The following NR4A1 variants were observed in gnomAD, a reference collection of about 807,000 sequenced individuals.
The protein encoded by NR4A1 is nuclear receptor subfamily 4 group A member 1.
NR4A1 carries 24 observed loss-of-function variants against 47.5 expected under a neutral mutation model. The observed-to-expected ratio is 0.50, with a 90% CI of 0.37 to 0.71. The LOEUF (loss-of-function observed/expected upper bound fraction) is 0.71, where lower values mean the gene tolerates loss of function less well. NR4A1 is among the 30% of genes least tolerant of loss of function. The probability of loss-of-function intolerance (pLI) is 0.00; values close to 1 mark genes in which losing one functional copy is unlikely to be tolerated. For synonymous variants in NR4A1, 353 were observed against 345.7 expected, an observed-to-expected ratio of 1.02 and a Z score of -0.24; for missense variants, 669 against 788.6, an observed-to-expected ratio of 0.85 and a Z score of 1.82.
intron 2 of NR4A1, among the ~76,000 whole-genome samples, chr12:52,044,533 T>C (rs1254667235): frequency 6.6e-6 from 1 of 152,156 alleles, no homozygotes; most frequent in Non-Finnish European, 1.5e-5. Flanking sequence ...GCTCCTGTGC[T>C]CTCCTTCCCA....
chr12:52,056,146 C>T lies in NR4A1; in HGVS notation c.993C>T (p.Gly331=). ...FCRFQKCLAV[G]MVKEVVRTDS... is the part of the protein sequence containing the mutation. ...GCTTCCAGAAGTGCCTGGCGGTGGG[C>T]ATGGTGAAGGAAGGTGTGTGGCTGG... Residue 331 remains glycine (G), a synonymous_variant, in exon 3 of 7, where the codon GGC becomes GGT. Coordinates refer to ENST00000394825, the MANE Select transcript of NR4A1 (RefSeq NM_173157.3). 1 of 1,606,746 alleles carries T rather than the reference C, an allele frequency of 6.2e-7. No homozygotes were observed. Among genetic ancestry groups the T allele is most frequent in the Non-Finnish European group, 8.5e-7 (1 of 1,176,444 alleles).
chr12:52,027,754 G>T (rs1174046189), intron 1 of NR4A1, among the ~76,000 whole-genome samples: 1 of 152,192 alleles, frequency 6.6e-6, no homozygotes, highest in Non-Finnish European at 1.5e-5. Context: ...GGCACAGGGG[G>T]GCACCCACAC....
At position 52,054,499 on chromosome 12, in the gene NR4A1, G is replaced by T; in HGVS notation, c.171G>T (p.Met57Ile). The T allele has an allele frequency of 6.2e-7, 1 of 1,613,892 alleles. No individual in the cohort carries two copies. The highest frequency in any genetic ancestry group is 8.5e-7 in the Non-Finnish European group (1 of 1,179,960). The change falls in exon 2 of 7, where the codon ATG becomes ATT. Residue 57 changes from methionine (M) to isoleucine (I), a missense_variant. Transcript: ENST00000394825. Reference sequence around the variant, plus strand: ...CCCTGCCCAGCTTCAGCACCTTCATGGACGGCTACACAGGAGAGTTTGACA... The same window carrying T: ...CCCTGCCCAGCTTCAGCACCTTCATTGACGGCTACACAGGAGAGTTTGACA... Reference protein sequence around the residue: ...PTALPSFSTFMDGYTGEFDTF... With the variant: ...PTALPSFSTFIDGYTGEFDTF...
intron 1 of NR4A1, among the ~76,000 whole-genome samples, chr12:52,052,130 A>G (rs367700779): frequency 6.6e-6 from 1 of 151,968 alleles, no homozygotes; most frequent in African/African-American, 2.4e-5. Flanking sequence ...AAGCCTCCGG[A>G]TCATTGAAGG....
chr12:52,038,093 C>G (rs1938308611), intron 1 of NR4A1: 1 of 908,176 alleles, frequency 1.1e-6, no homozygotes, highest in Non-Finnish European at 1.3e-6. Context: ...GAGATGGAGT[C>G]TCGCTCTGTT....
intron 1 of NR4A1, among the ~76,000 whole-genome samples, chr12:52,035,626 TCA>T (rs1217843823): frequency 3.3e-5 from 5 of 152,188 alleles, no homozygotes; most frequent in African/African-American, 4.8e-5. Context: ...TTTTGAAGCC[TCA>T]GTTTCTTTAT....
At chr12:52,051,155 G>C (rs910719422), upstream of NR4A1, among the ~76,000 whole-genome samples, 1 of 152,214 alleles carries the variant, frequency 6.6e-6, no homozygotes, top group Non-Finnish European at 1.5e-5. Context: ...TATTTTTAGC[G>C]GGCGCGGCGG....
At chr12:52,047,129 G>A (rs1165605377), upstream of NR4A1, among the ~76,000 whole-genome samples, 1 of 152,100 alleles carries the variant, frequency 6.6e-6, no homozygotes, top group Non-Finnish European at 1.5e-5. Context: ...CCTGTCTCTA[G>A]TTTTGGATAC....
At chr12:52,050,741 C>T (rs1227894844), upstream of NR4A1, among the ~76,000 whole-genome samples, 1 of 152,180 alleles carries the variant, frequency 6.6e-6, no homozygotes, top group Non-Finnish European at 1.5e-5. Context: ...CAGGGGCAGC[C>T]TCTCAGCCTG....
At chr12:52,036,240 GGA>G (rs1938233117) in intron 1 of NR4A1, among the ~76,000 whole-genome samples, 1 of 152,110 alleles carries the variant, frequency 6.6e-6, no homozygotes, top group African/African-American at 2.4e-5. Flanking sequence ...CAGTCACATG[GGA>G]GAGAGAAACC....
intron 1 of NR4A1, among the ~76,000 whole-genome samples, chr12:52,041,250 G>C (rs954916678): frequency 2.6e-5 from 4 of 152,130 alleles, no homozygotes; most frequent in African/African-American, 9.7e-5. Context: ...CATTTTTACA[G>C]ATGAGGAGCA....
At chr12:52,057,698 G>A (rs1939349357) in intron 6 of NR4A1, among the ~76,000 whole-genome samples, 168 bp downstream of exon 6, 1 of 152,234 alleles carries the variant, frequency 6.6e-6, no homozygotes. Flanking sequence ...CATAGGAATT[G>A]CAGATGGGCT....
intron 1 of NR4A1, among the ~76,000 whole-genome samples, chr12:52,041,082 G>C (rs544873147): frequency 2.0e-5 from 3 of 152,256 alleles, no homozygotes; most frequent in South Asian, 2.1e-4. Flanking sequence ...AGGAACCAGG[G>C]GTTGGGGCTA....
chr12:52,042,251 A>G (rs1938468257), intron 2 of NR4A1, among the ~76,000 whole-genome samples: 1 of 152,030 alleles, frequency 6.6e-6, no homozygotes, highest in Non-Finnish European at 1.5e-5. Flanking sequence ...GGAAGCAGAT[A>G]GGGTAGAATA....
At chr12:52,036,906 T>G (rs1938251939) in intron 1 of NR4A1, among the ~76,000 whole-genome samples, 1 of 152,102 alleles carries the variant, frequency 6.6e-6, no homozygotes, top group South Asian at 2.1e-4. Flanking sequence ...GTGCCCAGCC[T>G]CGGAAGGTGT....
At position 52,055,329 on chromosome 12, in the gene NR4A1, C is replaced by G. The variant is rs1939204962; in HGVS notation, c.876+125C>G. 4.6e-6 allele frequency: 6 copies of G among 1,309,530 alleles called. No individual in the cohort carries two copies. The African/African-American group carries it at 8.8e-5, about 19-fold the overall frequency. 81.1% of individuals were successfully genotyped at this position (1,309,530 alleles called of 1,614,324 possible). On this transcript the variant is annotated intron_variant, in intron 2 of 6. Coordinates refer to ENST00000394825, the MANE Select transcript of NR4A1 (RefSeq NM_173157.3). Reference sequence around the variant, plus strand: ...TAAGTCCTGTCCTGCAGGGTGGGATCAGCCCTGCCAGGTGGGCCGCCTTCC... The same window carrying G: ...TAAGTCCTGTCCTGCAGGGTGGGATGAGCCCTGCCAGGTGGGCCGCCTTCC...
intron 1 of NR4A1, among the ~76,000 whole-genome samples, chr12:52,027,806 C>T (rs1938029197): frequency 2.6e-5 from 4 of 152,226 alleles, no homozygotes; most frequent in Admixed American, 6.5e-5. Context: ...CACACCCCTC[C>T]AGGGACTAGG....
chr12:52,037,373 C>A, intron 1 of NR4A1: 1 of 985,380 alleles, frequency 1.0e-6, no homozygotes, highest in Non-Finnish European at 1.2e-6. Flanking sequence ...CGGTGCAGAG[C>A]AGCTCAGGGC....
In NR4A1 at chr12:52,038,719, G is replaced by A. The variant is rs745932475; in HGVS notation, c.-83-3091G>A. 2.5e-5 allele frequency: 19 copies of A among 764,664 alleles called. No homozygotes were observed. In the South Asian group the frequency reaches 2.6e-4, roughly 10 times the overall value. The allele number at this position is 764,664 out of a possible 1,614,324, so 47.4% of individuals were successfully genotyped here. A position where few individuals can be genotyped will look rare whatever the true frequency, so the allele number is the denominator to read the frequency against. ...TCCAGAGCTGTGAGGAATGACAAGTGCACAGTATAAAATCAAGATTCTAAT... is the reference window on the plus strand; with the variant it reads ...TCCAGAGCTGTGAGGAATGACAAGTACACAGTATAAAATCAAGATTCTAAT... On this transcript the variant is annotated intron_variant, in intron 1 of 7. Coordinates refer to the NR4A1 transcript ENST00000360284.
Sources: gnomAD v4.1 joint callset for allele counts (sites outside exome capture counted in the v4.1 genomes callset) on GRCh38, gnomAD v4.1.1 for gene constraint, MANE v1.5 for transcripts, NCBI Gene and HGNC (gene_info 2026-07-23, HGNC 2026-07-21) for gene names.